RAPGEF1: variants seen among roughly 807,000 people sequenced by gnomAD.
RAPGEF1 encodes the protein Rap guanine nucleotide exchange factor 1, also known as CRK SH3-binding GNRP.
A neutral mutation model predicts 143.3 loss-of-function variants in RAPGEF1; 33 were observed. That is an observed-to-expected ratio of 0.23 (90% CI 0.17 to 0.31). RAPGEF1 has a LOEUF of 0.31. RAPGEF1 is among the 10% of genes least tolerant of loss of function. The pLI is 1.00. For synonymous variants in RAPGEF1, 629 were observed against 676.5 expected (o/e 0.93, Z 1.09); for missense variants, 1,199 against 1,645.4 (o/e 0.73, Z 4.69).
rs1483431139 is a variant in RAPGEF1 at position 131,583,839 on chromosome 9, C to T, written c.3414+472G>A. ...CTTCCCTTCCCAGGAAACTCCTCCT[C>T]CTCTGCAGATGGTGGCATGAGTGAC... On this transcript the variant is annotated intron_variant, in intron 24 of 26. Coordinates refer to ENST00000683357, the MANE Select transcript of RAPGEF1 (RefSeq NM_001377935.1). The surrounding 1 kb of genome is among the most constrained non-coding windows in gnomAD (Gnocchi z 4.7). 6.6e-6 allele frequency among the ~76,000 whole-genome samples: 1 copy of T among 152,218 alleles called. No individual in the cohort carries two copies. The highest frequency in any genetic ancestry group is 1.9e-4 in the East Asian group (1 of 5,188).
intron 1 of RAPGEF1, among the ~76,000 whole-genome samples, chr9:131,679,710 G>T (rs551857815): frequency 6.6e-6 from 1 of 152,354 alleles, no homozygotes; most frequent in South Asian, 2.1e-4. Context: ...CTCCGCCAGG[G>T]AAGGGTCTTC....
chr9:131,708,917 G>C (rs1392547140), intron 1 of RAPGEF1, among the ~76,000 whole-genome samples: 1 of 152,140 alleles, frequency 6.6e-6, no homozygotes, highest in East Asian at 1.9e-4. Flanking sequence ...ATTATTAGTA[G>C]AGACGGGGTT....
chr9:131,600,456 G>A (rs1956082185), intron 15 of RAPGEF1, among the ~76,000 whole-genome samples: 1 of 152,174 alleles, frequency 6.6e-6, no homozygotes. Context: ...GCTCAGTCTG[G>A]GCAGACAAGT....
chr9:131,639,835 C>T (rs1317830224), intron 4 of RAPGEF1, among the ~76,000 whole-genome samples: 2 of 152,106 alleles, frequency 1.3e-5, no homozygotes, highest in Admixed American at 6.5e-5. Context: ...AAAAACAAAG[C>T]TATTTAGAAC....
intron 25 of RAPGEF1, among the ~76,000 whole-genome samples, chr9:131,580,720 C>T (rs945426882): frequency 1.3e-5 from 2 of 151,764 alleles, no homozygotes; most frequent in African/African-American, 2.4e-5. Flanking sequence ...AAAAAAATAA[C>T]AAAACCCAAA....
chr9:131,600,928 G>A (rs992310224), intron 15 of RAPGEF1, among the ~76,000 whole-genome samples: 1 of 152,178 alleles, frequency 6.6e-6, no homozygotes, highest in South Asian at 2.1e-4. Flanking sequence ...GGCTGGGGCA[G>A]GTGGATCATG....
intron 1 of RAPGEF1, among the ~76,000 whole-genome samples, chr9:131,683,794 T>C (rs1000377294): frequency 3.9e-5 from 6 of 152,266 alleles, no homozygotes; most frequent in African/African-American, 1.4e-4. Context: ...ATTAATGTGG[T>C]TTCTGATTCT....
At chr9:131,600,299 C>T (rs893003400) in intron 15 of RAPGEF1, among the ~76,000 whole-genome samples, 4 of 152,298 alleles carry the variant, frequency 2.6e-5, no homozygotes. Context: ...TTCTCTTTCA[C>T]GAGAACCATC....
intron 16 of RAPGEF1, 129 bp from the exon 17 acceptor site, chr9:131,596,502 C>T (rs1463813970): frequency 2.2e-6 from 2 of 925,928 alleles, no homozygotes; most frequent in East Asian, 5.3e-5. Flanking sequence ...CTTCTGTGCT[C>T]CTCGGCCCAG....
chr9:131,636,226 T>C (rs943792320), intron 5 of RAPGEF1, among the ~76,000 whole-genome samples: 1 of 152,264 alleles, frequency 6.6e-6, no homozygotes, highest in Non-Finnish European at 1.5e-5. Context: ...TGTGCCAGCT[T>C]TGCTCATATT....
At chr9:131,598,072 C>T in intron 16 of RAPGEF1, 127 bp downstream of exon 16, 1 of 753,370 alleles carries the variant, frequency 1.3e-6, no homozygotes, top group Non-Finnish European at 2.2e-6. Context: ...TCACCAGGGG[C>T]ATTGAAAGAC....
chr9:131,582,631 C>A lies in RAPGEF1; in HGVS notation c.3486G>T (p.Glu1162Asp). 2.0e-6 allele frequency: 3 copies of A among 1,533,900 alleles called. No individual in the cohort carries two copies. The highest frequency in any genetic ancestry group is 2.6e-6 in the Non-Finnish European group (3 of 1,150,534). The change falls in exon 25 of 27, where the codon GAG (glutamate) becomes GAT (aspartate). Residue 1162 changes from glutamate (E) to aspartate (D), a missense_variant. Physicochemically the swap from Glu to Asp is conservative, Grantham distance 45 (BLOSUM62 2). Around this residue, in one of 6 missense-constraint regions of RAPGEF1, gnomAD observed 209 missense variants for 403.0 expected, o/e 0.52. Coordinates refer to ENST00000683357, the MANE Select transcript of RAPGEF1 (RefSeq NM_001377935.1). The stretch of plus-strand genomic sequence containing the variant: ...GGTACGGGATGCACGGCGGTTCCAC[C>A]TCCGAGAGGGCGGCCCGGTAGGCTC... ...SFRAYRAALS[E>D]VEPPCIPYLG...
chr9:131,595,958 C>G (rs1588286480), intron 17 of RAPGEF1, among the ~76,000 whole-genome samples: 1 of 152,198 alleles, frequency 6.6e-6, no homozygotes, highest in South Asian at 2.1e-4. Context: ...TCAAAAGGTA[C>G]CTGCATGTTA....
chr9:131,694,200 C>G (rs1833975120), intron 1 of RAPGEF1, among the ~76,000 whole-genome samples: 3 of 152,272 alleles, frequency 2.0e-5, no homozygotes, highest in East Asian at 3.9e-4. Flanking sequence ...ATAGTATTTA[C>G]TAGTCTGTAA....
At position 131,586,260 on chromosome 9, in the gene RAPGEF1, A is replaced by T. The variant is rs1248225576; in HGVS notation, c.3233+1476T>A. Among the ~76,000 whole-genome samples the T allele has an allele frequency of 1.5e-3, 101 of 69,198 alleles. 2 individuals are homozygous for T. Among genetic ancestry groups the T allele is most frequent in the African/African-American group, 4.1e-3 (97 of 23,406 alleles). 45.4% of individuals were successfully genotyped at this position (69,198 alleles called of 152,430 possible). A position where few individuals can be genotyped will look rare whatever the true frequency, so the allele number is the denominator to read the frequency against. On this transcript the variant is annotated intron_variant, in intron 22 of 26. Coordinates refer to ENST00000683357, the MANE Select transcript of RAPGEF1 (RefSeq NM_001377935.1). The stretch of plus-strand genomic sequence containing the variant: ...TGCAGAGCAAGACTCTGTCTCAAAC[A>T]CACACACACACACACACACACACAC...
At chr9:131,689,641 C>G (rs538492896) in intron 1 of RAPGEF1, among the ~76,000 whole-genome samples, 4 of 151,982 alleles carry the variant, frequency 2.6e-5, no homozygotes, top group African/African-American at 9.7e-5. Context: ...TGGGTTCAAG[C>G]GCTTCTCTTG....
At chr9:131,612,436 T>C (rs1958164866) in intron 12 of RAPGEF1, among the ~76,000 whole-genome samples, 1 of 150,992 alleles carries the variant, frequency 6.6e-6, no homozygotes, top group African/African-American at 2.4e-5. Context: ...TGCATCAGAG[T>C]GGTTGCTTTT....
intron 18 of RAPGEF1, among the ~76,000 whole-genome samples, chr9:131,591,465 A>C (rs1391335605): frequency 1.3e-5 from 2 of 152,186 alleles, no homozygotes; most frequent in Admixed American, 1.3e-4. Flanking sequence ...TTGGACTTGA[A>C]GAGGCAATGG....
intron 1 of RAPGEF1, among the ~76,000 whole-genome samples, chr9:131,694,845 C>T (rs992542275): frequency 2.7e-5 from 4 of 148,630 alleles, no homozygotes; most frequent in Admixed American, 6.8e-5. Context: ...ATGTGCACAA[C>T]GTGCAGGTTA....
Sources: allele counts gnomAD v4.1 joint callset (sites outside exome capture counted in the v4.1 genomes callset), GRCh38; gene constraint gnomAD v4.1.1; regional missense constraint gnomAD v4.1.1; non-coding constraint Gnocchi (gnomAD v3.1); transcripts MANE v1.5; gene names NCBI Gene and HGNC (gene_info 2026-07-23, HGNC 2026-07-21).